SEMA7A: variants seen among roughly 807,000 people sequenced by gnomAD.
The protein encoded by SEMA7A is semaphorin-7A.
A neutral mutation model predicts 67.5 loss-of-function variants in SEMA7A; 21 were observed. That is an observed-to-expected ratio of 0.31 (90% CI 0.22 to 0.45). SEMA7A has a LOEUF of 0.45. Among genes scored for constraint, SEMA7A ranks in the 20% least tolerant of loss-of-function variants. SEMA7A has a pLI of 1.00. For synonymous variants in SEMA7A, 364 were observed against 368.5 expected, an observed-to-expected ratio of 0.99 and a Z score of 0.14; for missense variants, 774 against 908.6, an observed-to-expected ratio of 0.85 and a Z score of 1.90.
chr15:74,424,573 TCC>T (rs1009425127), intron 1 of SEMA7A, among the ~76,000 whole-genome samples: 1 of 152,186 alleles, frequency 6.6e-6, no homozygotes, highest in Non-Finnish European at 1.5e-5. Context: ...CTGGATGCTC[TCC>T]CCATGGCACC....
chr15:74,411,428 G>T lies in SEMA7A; in HGVS notation c.1578-72C>A, dbSNP rs1338167813. 5 of 1,573,582 alleles carry T rather than the reference G, an allele frequency of 3.2e-6. No individual in the cohort carries two copies. Among genetic ancestry groups the T allele is most frequent in the Admixed American group, 1.8e-5 (1 of 56,296 alleles). On this transcript the variant is annotated intron_variant, in intron 12 of 13. Transcript: ENST00000261918. This position sits in a 1 kb window ranked among gnomAD's most constrained non-coding sequence, Gnocchi z 4.4. The stretch of plus-strand genomic sequence containing the variant: ...ACCTGACCCTCCTATCCTTACCCCA[G>T]TGCAGTTCCAGCAGAGAGGAGGGTC...
chr15:74,414,563 C>T lies in SEMA7A; in HGVS notation c.1278G>A (p.Val426=), dbSNP rs750317883. ...MQASHGETFH[V]LYLTTDRGTI... is the part of the protein sequence containing the mutation. ...GCCTCTCACCTGTAGTTAGGTAAAG[C>T]ACATGAAAGGTCTCCCCGTGGCTGG... Residue 426 remains valine (V), a synonymous_variant, in exon 10 of 14, where the codon GTG becomes GTA. Coordinates refer to ENST00000261918, the MANE Select transcript of SEMA7A (RefSeq NM_003612.5). The surrounding 1 kb of genome is among the most constrained non-coding windows in gnomAD (Gnocchi z 4.1). 1.2e-6 allele frequency: 2 copies of T among 1,614,102 alleles called. No individual in the cohort carries two copies. Among genetic ancestry groups the T allele is most frequent in the African/African-American group, 1.3e-5 (1 of 74,938 alleles).
chr15:74,411,409 C>G lies in SEMA7A; in HGVS notation c.1578-53G>C, dbSNP rs752570396. The G allele has an allele frequency of 3.1e-6, 5 of 1,597,058 alleles. No individual in the cohort carries two copies. Among genetic ancestry groups the G allele is most frequent in the Non-Finnish European group, 4.3e-6 (5 of 1,169,726 alleles). On this transcript the variant is annotated intron_variant, in intron 12 of 13. Coordinates refer to ENST00000261918, the MANE Select transcript of SEMA7A (RefSeq NM_003612.5). This position sits in a 1 kb window ranked among gnomAD's most constrained non-coding sequence, Gnocchi z 4.4. ...AGCAGATACAAGGCTGCAGACCTGA[C>G]CCTCCTATCCTTACCCCAGTGCAGT... is the stretch of plus-strand genomic sequence containing the variant.
At position 74,410,598 on chromosome 15, in the gene SEMA7A, T is replaced by C; in HGVS notation, c.*26A>G. ...TCTAGTGCCCTGGGCTGCAGAAGCCTGAGGCATGCCCAGCCTCGGGAGGCC... is the reference window on the plus strand; with the variant it reads ...TCTAGTGCCCTGGGCTGCAGAAGCCCGAGGCATGCCCAGCCTCGGGAGGCC... On this transcript the variant is annotated 3_prime_UTR_variant, in exon 14 of 14. Transcript: ENST00000261918. This position sits in a 1 kb window ranked among gnomAD's most constrained non-coding sequence, Gnocchi z 7.5. 1.3e-6 allele frequency: 2 copies of C among 1,556,874 alleles called. No individual in the cohort carries two copies. Among genetic ancestry groups the C allele is most frequent in the Non-Finnish European group, 1.7e-6 (2 of 1,148,882 alleles).
In SEMA7A at chr15:74,433,850, A is replaced by G; in HGVS notation, c.69T>C (p.Ala23=). The G allele has an allele frequency of 7.6e-7, 1 of 1,320,654 alleles. No homozygotes were observed. Among genetic ancestry groups the G allele is most frequent in the Non-Finnish European group, 9.6e-7 (1 of 1,042,304 alleles). 81.8% of individuals were successfully genotyped at this position (1,320,654 alleles called of 1,614,324 possible). The part of the protein sequence containing the change: ...APRARVPGPP[A]RLGLPLRLRL... The stretch of plus-strand genomic sequence containing the variant: ...GCAGCCGCAGCGGAAGCCCCAACCG[A>G]GCCGGCGGGCCAGGGACGCGGGCGC... Residue 23 remains alanine (A), a synonymous_variant, in exon 1 of 14, where the codon GCT becomes GCC. Transcript: ENST00000261918.
chr15:74,411,059 A>G lies in SEMA7A; in HGVS notation c.1640-74T>C. On this transcript the variant is annotated intron_variant, in intron 13 of 13. Coordinates refer to ENST00000261918, the MANE Select transcript of SEMA7A (RefSeq NM_003612.5). The surrounding 1 kb of genome is among the most constrained non-coding windows in gnomAD (Gnocchi z 4.4). ...AGGGGAGGATGTGTCCTCCCCACGG[A>G]CTGGGATCCCAGGACAAGGCTTCTG... 6.5e-7 allele frequency: 1 copy of G among 1,538,136 alleles called. No homozygotes were observed. Among genetic ancestry groups the G allele is most frequent in the South Asian group, 1.2e-5 (1 of 80,062 alleles).
intron 6 of SEMA7A, 62 bp from the exon 7 acceptor site, chr15:74,416,776 C>T (rs2060952649): frequency 6.4e-7 from 1 of 1,564,024 alleles, no homozygotes; most frequent in Admixed American, 1.7e-5. Flanking sequence ...ACCATCCCAA[C>T]CCTGCACACT....
chr15:74,422,919 G>A (rs997212848), intron 1 of SEMA7A, among the ~76,000 whole-genome samples: 1 of 152,254 alleles, frequency 6.6e-6, no homozygotes, highest in Non-Finnish European at 1.5e-5. Context: ...AGCTCCAGGG[G>A]AGGGCAGAGT....
chr15:74,416,808 C>A, intron 6 of SEMA7A, 94 bp from the exon 7 acceptor site: 3 of 1,398,160 alleles, frequency 2.1e-6, no homozygotes, highest in Middle Eastern at 2.1e-4. Context: ...TTCGGGTCTG[C>A]ACAAACCATG....
rs1425758638 is a variant in SEMA7A at position 74,418,287 on chromosome 15, C to A, written c.353G>T (p.Gly118Val). ...ACTCACCCGCTTATCCAGACAGGAC[C>A]CCTTTGTGGAGCCGATATTCACCTG... ...VRTVNIGSTK[G>V]SCLDKRDCEN... Residue 118 changes from glycine to valine, a missense_variant, in exon 3 of 14, where the codon GGG (glycine) becomes GTG (valine). Gly to Val is a moderately radical substitution (Grantham distance 109, BLOSUM62 -3). This residue lies in a region of SEMA7A where 347 missense variants were observed against 353.2 expected (regional missense o/e 0.98). Coordinates refer to ENST00000261918, the MANE Select transcript of SEMA7A (RefSeq NM_003612.5). The A allele has an allele frequency of 2.5e-6, 4 of 1,611,424 alleles. No individual in the cohort carries two copies. Among genetic ancestry groups the A allele is most frequent in the African/African-American group, 1.3e-5 (1 of 74,842 alleles).
Position 74,417,858 on chromosome 15 carries a change from T to C in SEMA7A, c.465+19A>G, listed in dbSNP as rs2060965503. 1.9e-6 allele frequency: 3 copies of C among 1,612,896 alleles called. No homozygotes were observed. The highest frequency in any genetic ancestry group is 4.5e-5 in the East Asian group (2 of 44,880). On this transcript the variant is annotated intron_variant, in intron 4 of 13. Coordinates refer to ENST00000261918, the MANE Select transcript of SEMA7A (RefSeq NM_003612.5). ...GTAGAAGGTGAGCTGATCAGGCACA[T>C]GGGGAGCAGCCTTCTCACCAGGTTC...
In SEMA7A at chr15:74,414,989, C is replaced by T; in HGVS notation, c.987-43G>A. On this transcript the variant is annotated intron_variant, in intron 8 of 13. Coordinates refer to ENST00000261918, the MANE Select transcript of SEMA7A (RefSeq NM_003612.5). This position sits in a 1 kb window ranked among gnomAD's most constrained non-coding sequence, Gnocchi z 4.1. ...CCAGCTCAATGGGGGGCCCAGAACC[C>T]ACCCATCCACCTCCACTCACCCAGG... The T allele has an allele frequency of 6.6e-7, 1 of 1,519,096 alleles. No homozygotes were observed. The highest frequency in any genetic ancestry group is 9.1e-7 in the Non-Finnish European group (1 of 1,099,032). 94.1% of individuals were successfully genotyped at this position (1,519,096 alleles called of 1,614,324 possible).
chr15:74,420,796 G>A (rs922895215), intron 1 of SEMA7A, among the ~76,000 whole-genome samples: 4 of 152,126 alleles, frequency 2.6e-5, no homozygotes, highest in Admixed American at 6.5e-5. Context: ...ACAGTCTGCC[G>A]CCCCAACTCC....
chr15:74,414,404 C>T lies in SEMA7A; in HGVS notation c.1294+143G>A, dbSNP rs1011385830. 1.1e-6 allele frequency: 1 copy of T among 902,180 alleles called. No individual in the cohort carries two copies. The highest frequency in any genetic ancestry group is 1.7e-5 in the African/African-American group (1 of 60,070). 55.9% of individuals were successfully genotyped at this position (902,180 alleles called of 1,614,324 possible). Reference sequence around the variant, plus strand: ...TCCCTGCCTGACTCTTCCACACCCACACACATTAACCCCTGACAACTCCAG... The same window carrying T: ...TCCCTGCCTGACTCTTCCACACCCATACACATTAACCCCTGACAACTCCAG... On this transcript the variant is annotated intron_variant, in intron 10 of 13. Coordinates refer to ENST00000261918, the MANE Select transcript of SEMA7A (RefSeq NM_003612.5). The surrounding 1 kb of genome is among the most constrained non-coding windows in gnomAD (Gnocchi z 4.1).
chr15:74,433,381 G>T (rs1211776748), intron 1 of SEMA7A, among the ~76,000 whole-genome samples: 1 of 151,968 alleles, frequency 6.6e-6, no homozygotes, highest in Admixed American at 6.6e-5. Context: ...GGCGGGGAAA[G>T]GTCCTCCGCC....
chr15:74,413,985 C>T (rs1357594747), intron 10 of SEMA7A, among the ~76,000 whole-genome samples: 1 of 152,194 alleles, frequency 6.6e-6, no homozygotes, highest in Non-Finnish European at 1.5e-5. Flanking sequence ...GCATTCCACC[C>T]AGCTTCCCCC....
chr15:74,420,465 T>A (rs745552017), intron 1 of SEMA7A, among the ~76,000 whole-genome samples: 3 of 152,154 alleles, frequency 2.0e-5, no homozygotes, highest in Non-Finnish European at 4.4e-5. Flanking sequence ...TCACTGTCCT[T>A]GGGTGGTGTG....
Position 74,411,698 on chromosome 15 carries a change from C to T in SEMA7A, c.1435G>A (p.Val479Met). 6.2e-7 allele frequency: 1 copy of T among 1,613,336 alleles called. No homozygotes were observed. ...TGGCTCACCTCCCACTGGGAGCTCA[C>T]ATACAGCTTCCTCTGGAAGGACAGC... The part of the protein sequence containing the change: ...SLDAERRKLY[V>M]SSQWEVSQVP... The change falls in exon 12 of 14, where the codon GTG (valine) becomes ATG (methionine). Residue 479 changes from valine to methionine, a missense_variant. Coordinates refer to ENST00000261918, the MANE Select transcript of SEMA7A (RefSeq NM_003612.5). This position sits in a 1 kb window ranked among gnomAD's most constrained non-coding sequence, Gnocchi z 4.4.
At chr15:74,422,600 G>T (rs2141284580) in intron 1 of SEMA7A, among the ~76,000 whole-genome samples, 1 of 152,352 alleles carries the variant, frequency 6.6e-6, no homozygotes, top group South Asian at 2.1e-4. Flanking sequence ...GCAAGGCCCA[G>T]CTCCGGCCAG....
Sources: allele counts gnomAD v4.1 joint callset (sites outside exome capture counted in the v4.1 genomes callset), GRCh38; gene constraint gnomAD v4.1.1; regional missense constraint gnomAD v4.1.1; non-coding constraint Gnocchi (gnomAD v3.1); transcripts MANE v1.5; gene names NCBI Gene and HGNC (gene_info 2026-07-23, HGNC 2026-07-21).